The following NBPF19 variants were observed in gnomAD, a reference collection of about 807,000 sequenced individuals.
NBPF19 encodes the protein NBPF member 19.
Under a neutral mutation model 45.9 loss-of-function variants are expected in NBPF19, and 30 were observed. The observed-to-expected ratio is 0.65, with a 90% CI of 0.49 to 0.89. The LOEUF is 0.89. Among genes scored for constraint, NBPF19 ranks in the 40% least tolerant of loss-of-function variants. NBPF19 has a pLI of 0.00. For missense variants in NBPF19, 495 were observed against 471.8 expected, an observed-to-expected ratio of 1.05 and a Z score of -0.46; for synonymous variants, 183 against 181.2, an observed-to-expected ratio of 1.01 and a Z score of -0.08.
At chr1:149,492,616 T>C (rs1463015417) in intron 15 of NBPF19, among the ~76,000 whole-genome samples, 152 bp from the exon 16 acceptor site, 3 of 135,694 alleles carry the variant, frequency 2.2e-5, no homozygotes, top group Non-Finnish European at 3.2e-5. Context: ...CCCTGTTCTA[T>C]CCCAACATAA....
Position 149,554,634 on chromosome 1 carries a change from G to C in NBPF19, c.11428G>C (p.Glu3810Gln). 8.1e-6 allele frequency: 13 copies of C among 1,608,324 alleles called. 1 individual carries two copies. The highest frequency in any genetic ancestry group is 4.4e-5 in the South Asian group (4 of 90,888). Residue 3810 changes from glutamate (E) to glutamine (Q), a missense_variant, in exon 94 of 94, where the codon GAA becomes CAA. Physicochemically the swap from Glu to Gln is conservative, Grantham distance 29. This residue lies in a region of NBPF19 where 248 missense variants were observed against 95.4 expected (regional missense o/e 2.60). Transcript: ENST00000651566. ...HYRSVFYSFE[E>Q]EHISFALYLD... ...CAGAAGTGTGTTTTACTCATTTGAG[G>C]AAGAGCATATCAGCTTCGCCCTTTA...
At chr1:149,495,324 G>T in intron 19 of NBPF19, 73 bp downstream of exon 19, 1 of 675,448 alleles carries the variant, frequency 1.5e-6, no homozygotes, top group East Asian at 2.9e-5. Context: ...AAACAGAGCG[G>T]GCTGACATTA....
At chr1:149,477,688 C>G (rs1238766956) in intron 2 of NBPF19, among the ~76,000 whole-genome samples, 1 of 151,308 alleles carries the variant, frequency 6.6e-6, no homozygotes, top group Non-Finnish European at 1.5e-5. Flanking sequence ...AGTTCTGACT[C>G]CACTTCGTTG....
chr1:149,491,418 AG>A, intron 14 of NBPF19, 107 bp downstream of exon 14: 1 of 134,196 alleles, frequency 7.5e-6, no homozygotes, highest in Non-Finnish European at 1.3e-5. Flanking sequence ...TCGTTGCCGC[AG>A]TGAGGACCTA....
chr1:149,478,875 C>T lies in NBPF19; in HGVS notation c.279-5C>T, dbSNP rs1302570269. The T allele has an allele frequency of 1.5e-5, 24 of 1,601,654 alleles. No homozygotes were observed. The highest frequency in any genetic ancestry group is 9.9e-5 in the South Asian group (9 of 90,792). On this transcript the variant is annotated splice_polypyrimidine_tract_variant and splice_region_variant and intron_variant, in intron 3 of 93. Coordinates refer to ENST00000651566, the MANE Select transcript of NBPF19 (RefSeq NM_001351365.2). ...TCTTAAATTTTCTCTACCGTCTCAC[C>T]TTAGGCAATATAAAGTCCTGTTTCA...
rs1378358280 is a variant in NBPF19 at position 149,487,094 on chromosome 1, G to C, written c.989-238G>C. Among the ~76,000 whole-genome samples the C allele has an allele frequency of 4.0e-5, 6 of 150,834 alleles. 1 individual carries two copies. Among genetic ancestry groups the C allele is most frequent in the Non-Finnish European group, 7.4e-5 (5 of 67,446 alleles). On this transcript the variant is annotated intron_variant, in intron 8 of 93. Transcript: ENST00000651566. ...TTGCTCATTTGTGTACATAAACCTA[G>C]GACAGAGCACATAGGGAAGATAACA... is the stretch of plus-strand genomic sequence containing the variant.
At position 149,477,641 on chromosome 1, in the gene NBPF19, G is replaced by A. The variant is rs1303418679; in HGVS notation, c.176-304G>A. ...AGGAGAGGCTGCAAGACTTGGGAAA[G>A]TGGCCCCGCATTCAGAGTCAGACCT... is the stretch of plus-strand genomic sequence containing the variant. On this transcript the variant is annotated intron_variant, in intron 2 of 93. Transcript: ENST00000651566. Among the ~76,000 whole-genome samples, 390 of 151,474 alleles carry A rather than the reference G, an allele frequency of 2.6e-3. 9 individuals carry two copies. Among genetic ancestry groups the A allele is most frequent in the Admixed American group, 4.1e-3 (63 of 15,224 alleles).
At chr1:149,477,167 G>C (rs1276714133) in intron 2 of NBPF19, among the ~76,000 whole-genome samples, 2 of 149,668 alleles carry the variant, frequency 1.3e-5, no homozygotes, top group Non-Finnish European at 3.0e-5. Flanking sequence ...TTCCTCATCT[G>C]TTCAGAGGGT....
At chr1:149,490,917 T>TGC (rs2085829610) in intron 13 of NBPF19, among the ~76,000 whole-genome samples, 1 of 131,104 alleles carries the variant, frequency 7.6e-6, no homozygotes, top group Non-Finnish European at 1.6e-5. Context: ...TGTGTGTGTG[T>TGC]GTGCGTGTGT....
At chr1:149,554,285 G>T (rs1196849599) in intron 93 of NBPF19, among the ~76,000 whole-genome samples, 1 of 142,110 alleles carries the variant, frequency 7.0e-6, no homozygotes, top group Non-Finnish European at 1.5e-5. Flanking sequence ...CTCTGTCTCT[G>T]TCTCTCTCTC....
In NBPF19 at chr1:149,490,898, CTG is replaced by C. The variant is rs1199452636; in HGVS notation, c.1491-220_1491-219del. Reference sequence around the variant, plus strand: ...CTGAGCTCGTTCTCTCTCTCTCTCTCTGTGTGTGTGTGTGTGTGTGTGCGTGT... The same window carrying C: ...CTGAGCTCGTTCTCTCTCTCTCTCTCTGTGTGTGTGTGTGTGTGTGCGTGT... On this transcript the variant is annotated intron_variant, in intron 13 of 93. Transcript: ENST00000651566. Among the ~76,000 whole-genome samples the C allele has an allele frequency of 2.0e-3, 251 of 124,542 alleles. 10 individuals carry two copies. The highest frequency in any genetic ancestry group is 7.9e-3 in the Middle Eastern group (2 of 254). The allele number at this position is 124,542 out of a possible 152,430, so 81.7% of individuals were successfully genotyped here.
chr1:149,487,775 CTGTGTGTGTGTGTGTGTGTGTGTG>C (rs1219803937), intron 9 of NBPF19, among the ~76,000 whole-genome samples: 5 of 128,686 alleles, frequency 3.9e-5, no homozygotes, highest in African/African-American at 1.2e-4. Flanking sequence ...TGAGCTCGCT[CTGTGTGTGTGTGTGTGTGTGTGTG>C]TGTGTGTGTG....
rs1195339325 is a variant in NBPF19, at chr1:149,478,481, C to T, written c.279-399C>T. On this transcript the variant is annotated intron_variant, in intron 3 of 93. Coordinates refer to ENST00000651566, the MANE Select transcript of NBPF19 (RefSeq NM_001351365.2). ...CTTTTCTTCTTTCATCTTTTCAATT[C>T]GCCCCATCTGCACCTGGCCTCATTT... is the stretch of plus-strand genomic sequence containing the variant. Among the ~76,000 whole-genome samples, 12 of 151,200 alleles carry T rather than the reference C, an allele frequency of 7.9e-5. 2 individuals are homozygous for T. The highest frequency in any genetic ancestry group is 2.4e-4 in the African/African-American group (10 of 41,118).
intron 4 of NBPF19, among the ~76,000 whole-genome samples, chr1:149,479,665 C>T (rs1160918492): frequency 6.7e-6 from 1 of 149,176 alleles, no homozygotes; most frequent in Admixed American, 6.7e-5. Flanking sequence ...GACTGGAGCA[C>T]TCCCCATGGA....
intron 2 of NBPF19, among the ~76,000 whole-genome samples, chr1:149,477,355 T>G (rs2084904978): frequency 6.6e-6 from 1 of 151,424 alleles, no homozygotes; most frequent in African/African-American, 2.4e-5. Context: ...AATCTAAATC[T>G]TAATGCTGCC....
At chr1:149,487,800 TG>T (rs2085680988) in intron 9 of NBPF19, among the ~76,000 whole-genome samples, 1 of 149,034 alleles carries the variant, frequency 6.7e-6, no homozygotes, top group Non-Finnish European at 1.5e-5. Flanking sequence ...TGTGTGTGTG[TG>T]TGTGTGTGTG....
At chr1:149,515,230 C>T (rs2086402310) in intron 44 of NBPF19, 122 bp downstream of exon 44, 4 of 474,582 alleles carry the variant, frequency 8.4e-6, no homozygotes, top group East Asian at 4.3e-5. Context: ...GACCTATAGG[C>T]ACATGTAGGT....
intron 9 of NBPF19, among the ~76,000 whole-genome samples, 188 bp from the exon 10 acceptor site, chr1:149,487,825 C>T (rs1285856743): frequency 8.4e-6 from 1 of 119,666 alleles, no homozygotes; most frequent in African/African-American, 3.5e-5. Context: ...GTGTGTGTGT[C>T]TTTCTCGTTC....
At chr1:149,487,717 CAG>C (rs1376656391) in intron 9 of NBPF19, among the ~76,000 whole-genome samples, 1 of 149,748 alleles carries the variant, frequency 6.7e-6, no homozygotes, top group Non-Finnish European at 1.5e-5. Context: ...AGCACAAATA[CAG>C]AGTGTCCTTT....
Sources: gnomAD v4.1 joint callset for allele counts (sites outside exome capture counted in the v4.1 genomes callset) on GRCh38, gnomAD v4.1.1 for gene constraint, gnomAD v4.1.1 regional missense constraint, MANE v1.5 for transcripts, NCBI Gene and HGNC (gene_info 2026-07-23, HGNC 2026-07-21) for gene names.